The following RANBP2 variants were observed in gnomAD, a reference collection of about 807,000 sequenced individuals.
RANBP2 encodes E3 SUMO-protein ligase RanBP2.
Under a neutral mutation model 303.6 loss-of-function variants are expected in RANBP2, and 57 were observed. The observed-to-expected ratio is 0.19, with a 90% CI of 0.15 to 0.23. The LOEUF (loss-of-function observed/expected upper bound fraction) is 0.23, where lower values mean the gene tolerates loss of function less well. Among genes scored for constraint, RANBP2 ranks in the 10% least tolerant of loss-of-function variants. The probability of loss-of-function intolerance (pLI) is 1.00; values close to 1 mark genes in which losing one functional copy is unlikely to be tolerated. For missense variants in RANBP2, 3,138 were observed against 3,780.8 expected, an observed-to-expected ratio of 0.83 and a Z score of 4.46; for synonymous variants, 1,167 against 1,301.5, an observed-to-expected ratio of 0.90 and a Z score of 2.23.
At chr2:109,188,886 T>TTG in the RANBP2 span, among the ~76,000 whole-genome samples, 1 of 152,256 alleles carries the variant, frequency 6.6e-6, no homozygotes, top group African/African-American at 2.4e-5. Context: ...TGCCGGGGCA[T>TTG]TGTGTAGCAG....
chr2:109,381,398 G>T, the RANBP2 span, among the ~76,000 whole-genome samples: 2 of 152,116 alleles, frequency 1.3e-5, no homozygotes, highest in South Asian at 4.1e-4. Flanking sequence ...CCTAACTTTA[G>T]CTCCTCTCTG....
the RANBP2 span, chr2:108,896,197 A>G: frequency 6.6e-6 from 1 of 152,296 alleles, no homozygotes; most frequent in South Asian, 2.1e-4. Context: ...GTATAGAGTG[A>G]GCTCTTCCAT....
At chr2:109,383,828 C>T in the RANBP2 span, among the ~76,000 whole-genome samples, 1 of 152,188 alleles carries the variant, frequency 6.6e-6, no homozygotes, top group African/African-American at 2.4e-5. Context: ...TCCAGACGTC[C>T]TGTTTTCAGT....
the RANBP2 span, among the ~76,000 whole-genome samples, chr2:109,336,105 T>A: frequency 1.3e-5 from 2 of 152,210 alleles, no homozygotes; most frequent in African/African-American, 4.8e-5. Flanking sequence ...GTAAGCTCTT[T>A]AATATTTTAG....
chr2:108,749,190 C>G lies in RANBP2; in HGVS notation c.1273+61C>G, dbSNP rs546414115. On this transcript the variant is annotated intron_variant, in intron 9 of 28. Transcript: ENST00000283195. ...TTAATTCTTATAAATTGCCCATAAT[C>G]TTATTACCCAGAAATAACGACTTAA... The G allele has an allele frequency of 3.4e-5, 54 of 1,609,524 alleles. No individual in the cohort carries two copies. In the African/African-American group the frequency reaches 4.9e-4, roughly 15 times the overall value.
the RANBP2 span, among the ~76,000 whole-genome samples, chr2:109,196,205 G>T: frequency 1.3e-5 from 2 of 152,198 alleles, no homozygotes; most frequent in African/African-American, 2.4e-5. Flanking sequence ...GTCCACCCTT[G>T]AGGCCATGTC....
chr2:109,415,463 G>T, the RANBP2 span, among the ~76,000 whole-genome samples: 1 of 152,154 alleles, frequency 6.6e-6, no homozygotes, highest in African/African-American at 2.4e-5. Context: ...ACCATCACGG[G>T]TGCTACAGTC....
the RANBP2 span, among the ~76,000 whole-genome samples, chr2:109,335,399 G>A: frequency 6.6e-6 from 1 of 152,244 alleles, no homozygotes; most frequent in Middle Eastern, 3.4e-3. Flanking sequence ...CCCTTCCACA[G>A]CCCCTACCCT....
chr2:109,304,006 CA>C, the RANBP2 span, among the ~76,000 whole-genome samples: 1 of 151,858 alleles, frequency 6.6e-6, no homozygotes, highest in African/African-American at 2.4e-5. Flanking sequence ...GAGGCTGAGG[CA>C]GGAGAATTGC....
the RANBP2 span, among the ~76,000 whole-genome samples, chr2:109,626,869 C>A: frequency 6.6e-6 from 1 of 152,168 alleles, no homozygotes; most frequent in Non-Finnish European, 1.5e-5. Context: ...GCAGGGGAGC[C>A]CTTGTTGGGT....
chr2:109,147,596 T>C, the RANBP2 span, among the ~76,000 whole-genome samples: 103,785 of 151,522 alleles, frequency 0.68, 36,436 homozygotes, highest in Non-Finnish European at 0.72. Flanking sequence ...TCAGGAGGGT[T>C]ATATCAAGGT....
At chr2:109,639,518 C>T in the RANBP2 span, among the ~76,000 whole-genome samples, 3 of 151,832 alleles carry the variant, frequency 2.0e-5, no homozygotes. Context: ...ACTCGGGAGG[C>T]TGAGGCAGGA....
At chr2:109,492,477 C>T in the RANBP2 span, among the ~76,000 whole-genome samples, 9 of 152,190 alleles carry the variant, frequency 5.9e-5, no homozygotes, top group African/African-American at 2.2e-4. Context: ...ACAGGGGTGA[C>T]GTTCAGAACA....
chr2:109,411,186 C>G, the RANBP2 span, among the ~76,000 whole-genome samples: 11 of 152,304 alleles, frequency 7.2e-5, no homozygotes, highest in East Asian at 7.7e-4. Context: ...ATGAATACTT[C>G]AGGGGAGAGG....
chr2:109,158,519 G>A, the RANBP2 span, among the ~76,000 whole-genome samples: 1 of 152,110 alleles, frequency 6.6e-6, no homozygotes, highest in South Asian at 2.1e-4. Flanking sequence ...TTGGCTGGGG[G>A]AGCTGGATGG....
At chr2:108,812,766 G>GT in the RANBP2 span, 2 of 1,611,166 alleles carry the variant, frequency 1.2e-6, no homozygotes, top group East Asian at 4.5e-5. Context: ...TTACCTTTGA[G>GT]TTTACTCATT....
the RANBP2 span, among the ~76,000 whole-genome samples, chr2:109,176,019 T>C: frequency 7.2e-5 from 11 of 152,254 alleles, no homozygotes; most frequent in Non-Finnish European, 1.5e-5. Context: ...ATATTCTGCA[T>C]GTTATATCCT....
the RANBP2 span, among the ~76,000 whole-genome samples, chr2:109,566,563 G>A: frequency 6.6e-6 from 1 of 152,148 alleles, no homozygotes; most frequent in Non-Finnish European, 1.5e-5. Flanking sequence ...TTGTGTGTGT[G>A]TGTACAGTAT....
At chr2:109,656,822 T>C in the RANBP2 span, among the ~76,000 whole-genome samples, 12 of 152,186 alleles carry the variant, frequency 7.9e-5, no homozygotes, top group Non-Finnish European at 1.8e-4. Context: ...GAATAAGACC[T>C]TGAGAAGGAA....
Sources: allele counts gnomAD v4.1 joint callset (sites outside exome capture counted in the v4.1 genomes callset), GRCh38; gene constraint gnomAD v4.1.1; transcripts MANE v1.5; gene names NCBI Gene and HGNC (gene_info 2026-07-23, HGNC 2026-07-21).